SLC24A4: variants seen among roughly 807,000 people sequenced by gnomAD.
SLC24A4 encodes solute carrier family 24 member 4.
Under a neutral mutation model 79.0 loss-of-function variants are expected in SLC24A4, and 53 were observed. The observed-to-expected ratio is 0.67, with a 90% CI of 0.54 to 0.84. SLC24A4 has a LOEUF of 0.84. Among genes scored for constraint, SLC24A4 ranks in the 40% least tolerant of loss-of-function variants. The probability of loss-of-function intolerance (pLI) is 0.00; values close to 1 mark genes in which losing one functional copy is unlikely to be tolerated. For synonymous variants in SLC24A4, 323 were observed against 323.8 expected (o/e 1.00, Z 0.03); for missense variants, 731 against 822.0 (o/e 0.89, Z 1.35).
intron 2 of SLC24A4, among the ~76,000 whole-genome samples, chr14:92,362,159 C>G (rs1006056884): frequency 7.2e-5 from 11 of 152,180 alleles, no homozygotes; most frequent in Admixed American, 1.3e-4. Context: ...AACCCCGGAC[C>G]CCAGCTTCTC....
chr14:92,362,563 A>G (rs1302603898), intron 2 of SLC24A4, among the ~76,000 whole-genome samples: 4 of 152,198 alleles, frequency 2.6e-5, no homozygotes, highest in Admixed American at 6.5e-5. Flanking sequence ...ATGGGCATCC[A>G]TAGAAGGGAT....
At chr14:92,406,758 C>T (rs1350402315) in intron 2 of SLC24A4, among the ~76,000 whole-genome samples, 1 of 152,040 alleles carries the variant, frequency 6.6e-6, no homozygotes, top group Non-Finnish European at 1.5e-5. Context: ...TGGGCCCTGC[C>T]TATGAAACCA....
intron 12 of SLC24A4, among the ~76,000 whole-genome samples, chr14:92,479,318 T>C (rs1894936104): frequency 6.6e-6 from 1 of 152,180 alleles, no homozygotes. Flanking sequence ...ATCTTAATCG[T>C]TAAGTATAAG....
intron 16 of SLC24A4, chr14:92,492,884 G>A (rs78254567): frequency 0.18 from 78,932 of 446,822 alleles, 8,345 homozygotes; most frequent in East Asian, 0.31. Flanking sequence ...GGGACAAGGA[G>A]GAAGGCAGTG....
chr14:92,493,608 A>G lies in SLC24A4; in HGVS notation c.1849A>G (p.Met617Val), dbSNP rs780080849. 3.7e-6 allele frequency: 6 copies of G among 1,614,038 alleles called. No individual in the cohort carries two copies. The South Asian group carries it at 6.6e-5, about 18-fold the overall frequency. Residue 617 changes from methionine to valine, a missense_variant, in exon 17 of 17, where the codon ATG becomes GTG. Physicochemically the swap from Met to Val is conservative, Grantham distance 21. Transcript: ENST00000532405. ...CGTCTTTACCTTCGTCAACTTGCCG[A>G]TGTGCCGGGAAGACGATTAGCGCTG... ...FNVFTFVNLP[M>V]CREDD
chr14:92,450,056 T>A (rs1480862369), intron 10 of SLC24A4, among the ~76,000 whole-genome samples: 1 of 152,210 alleles, frequency 6.6e-6, no homozygotes, highest in African/African-American at 2.4e-5. Flanking sequence ...TTCTTGCAAT[T>A]GGTATGGAAA....
At chr14:92,406,799 T>TG (rs80290538) in intron 2 of SLC24A4, among the ~76,000 whole-genome samples, 27,713 of 151,896 alleles carry the variant, frequency 0.18, 2,580 homozygotes, top group Non-Finnish European at 0.19. Context: ...AGGCTTGTGA[T>TG]GGGGGGGTCT....
chr14:92,417,442 C>G (rs1891040274), intron 2 of SLC24A4, among the ~76,000 whole-genome samples: 1 of 152,034 alleles, frequency 6.6e-6, no homozygotes, highest in African/African-American at 2.4e-5. Context: ...TTAAAAGAGT[C>G]AAAAAGCTTA....
intron 2 of SLC24A4, among the ~76,000 whole-genome samples, chr14:92,401,218 T>C (rs931606594): frequency 6.6e-6 from 1 of 152,142 alleles, no homozygotes; most frequent in African/African-American, 2.4e-5. Flanking sequence ...TAAGAATTTT[T>C]TGCGCCCCAT....
intron 2 of SLC24A4, among the ~76,000 whole-genome samples, chr14:92,392,292 A>G (rs1283868401): frequency 6.6e-6 from 1 of 151,654 alleles, no homozygotes; most frequent in East Asian, 1.9e-4. Flanking sequence ...GAATCATTGA[A>G]AGAAAAGACG....
intron 2 of SLC24A4, among the ~76,000 whole-genome samples, chr14:92,333,800 G>A (rs1263306476): frequency 6.6e-6 from 1 of 152,140 alleles, no homozygotes; most frequent in Non-Finnish European, 1.5e-5. Flanking sequence ...GCCAGTGTAA[G>A]GGCGGTTGTG....
intron 2 of SLC24A4, among the ~76,000 whole-genome samples, chr14:92,354,237 G>A (rs985120708): frequency 1.3e-4 from 20 of 150,852 alleles, no homozygotes; most frequent in Admixed American, 1.1e-3. Flanking sequence ...CGCGATCTCC[G>A]CCTCCCGGGT....
At chr14:92,482,946 C>T (rs1192208729) in intron 13 of SLC24A4, 100 bp downstream of exon 13, 16 of 1,219,986 alleles carry the variant, frequency 1.3e-5, no homozygotes, top group East Asian at 2.6e-5. Context: ...CACCTTTGGG[C>T]GAGTCACTGG....
At chr14:92,393,585 G>A (rs2077292) in intron 2 of SLC24A4, among the ~76,000 whole-genome samples, 24,004 of 136,048 alleles carry the variant, frequency 0.18, 2,762 homozygotes, top group African/African-American at 0.33. Flanking sequence ...TCGCTCTGTC[G>A]CCCAGGATGG....
chr14:92,493,828 G>C lies in SLC24A4; in HGVS notation c.*200G>C, dbSNP rs12888354. On this transcript the variant is annotated 3_prime_UTR_variant, in exon 17 of 17. Coordinates refer to ENST00000532405, the MANE Select transcript of SLC24A4 (RefSeq NM_153646.4). ...GCATCCTCCTCCTCCTTGGAGTTCC[G>C]CCCCTGCAAGGCTGGATTTGGGGGC... The C allele has an allele frequency of 7.9e-6, 5 of 630,966 alleles. No homozygotes were observed. The highest frequency in any genetic ancestry group is 8.0e-6 in the Non-Finnish European group (3 of 373,322). The allele number at this position is 630,966 out of a possible 1,614,324, so 39.1% of individuals were successfully genotyped here. A position where few individuals can be genotyped will look rare whatever the true frequency, so the allele number is the denominator to read the frequency against.
At chr14:92,435,046 C>T (rs954008009) in intron 3 of SLC24A4, among the ~76,000 whole-genome samples, 6 of 152,088 alleles carry the variant, frequency 3.9e-5, no homozygotes, top group African/African-American at 1.4e-4. Context: ...AGTGCTGGGA[C>T]TACAGGTGTG....
In SLC24A4 at chr14:92,435,455, A is replaced by G. The variant is rs550661978; in HGVS notation, c.318+1467A>G. Among the ~76,000 whole-genome samples the G allele has an allele frequency of 2.0e-5, 3 of 152,320 alleles. No homozygotes were observed. In the South Asian group the frequency reaches 6.2e-4, roughly 32 times the overall value. ...CTGCCTGGCCCAGAAAGCCAAACAT[A>G]TTTATTATCTGCCCCTTTACAGAAA... On this transcript the variant is annotated intron_variant, in intron 3 of 16. Transcript: ENST00000532405.
chr14:92,400,539 G>A (rs1890061101), intron 2 of SLC24A4, among the ~76,000 whole-genome samples: 2 of 151,868 alleles, frequency 1.3e-5, no homozygotes, highest in South Asian at 2.1e-4. Context: ...TGACTAAGAA[G>A]CTCTGGACAC....
intron 2 of SLC24A4, among the ~76,000 whole-genome samples, chr14:92,384,549 A>G (rs1889038596): frequency 1.3e-5 from 2 of 152,062 alleles, no homozygotes; most frequent in African/African-American, 2.4e-5. Context: ...GCAGGTAGAT[A>G]TACATTCGGT....
Sources: allele counts gnomAD v4.1 joint callset (sites outside exome capture counted in the v4.1 genomes callset), GRCh38; gene constraint gnomAD v4.1.1; transcripts MANE v1.5; gene names NCBI Gene and HGNC (gene_info 2026-07-23, HGNC 2026-07-21).